The following GABBR2 variants were observed in gnomAD, a reference collection of about 807,000 sequenced individuals.
GABBR2 encodes the protein G-protein coupled receptor 51.
GABBR2 carries 23 observed loss-of-function variants against 105.6 expected under a neutral mutation model. The observed-to-expected ratio is 0.22, with a 90% confidence interval of 0.16 to 0.31. The LOEUF is 0.31. GABBR2 is among the 10% of genes least tolerant of loss of function. GABBR2 has a pLI of 1.00. For missense variants in GABBR2, 734 were observed against 1,245.5 expected (o/e 0.59, Z 6.18); for synonymous variants, 478 against 499.7 (o/e 0.96, Z 0.58).
At chr9:98,519,967 G>A (rs1333505799) in intron 3 of GABBR2, among the ~76,000 whole-genome samples, 1 of 152,150 alleles carries the variant, frequency 6.6e-6, no homozygotes, top group East Asian at 1.9e-4. Flanking sequence ...GAAGGCTGTG[G>A]GAGAGAGGCA....
intron 3 of GABBR2, among the ~76,000 whole-genome samples, chr9:98,534,517 A>AC (rs1828131343): frequency 2.0e-5 from 3 of 152,232 alleles, no homozygotes; most frequent in Admixed American, 6.5e-5. Context: ...TTTTCTTAGT[A>AC]GTTTAAGTAT....
intron 1 of GABBR2, among the ~76,000 whole-genome samples, chr9:98,666,837 C>G (rs1830341479): frequency 6.6e-6 from 1 of 152,278 alleles, no homozygotes; most frequent in African/African-American, 2.4e-5. Context: ...ACTTCAGGCC[C>G]CTTGTGCCAA....
chr9:98,337,627 G>T (rs1436517953), intron 13 of GABBR2, among the ~76,000 whole-genome samples: 1 of 152,172 alleles, frequency 6.6e-6, no homozygotes, highest in Non-Finnish European at 1.5e-5. Context: ...TTGGCATAAG[G>T]ATAGACATAT....
At chr9:98,456,536 A>G (rs991358639) in intron 6 of GABBR2, among the ~76,000 whole-genome samples, 15 of 152,128 alleles carry the variant, frequency 9.9e-5, no homozygotes, top group Admixed American at 6.5e-5. Context: ...GAGGTCGGAG[A>G]TGTGATCTGT....
chr9:98,620,490 C>T (rs1829654153), intron 1 of GABBR2, among the ~76,000 whole-genome samples: 1 of 151,932 alleles, frequency 6.6e-6, no homozygotes, highest in Admixed American at 6.6e-5. Context: ...TGTTTTAAAT[C>T]CTAGATTTAA....
At chr9:98,399,047 C>T (rs1832342886) in intron 8 of GABBR2, among the ~76,000 whole-genome samples, 1 of 152,064 alleles carries the variant, frequency 6.6e-6, no homozygotes, top group Admixed American at 6.6e-5. Flanking sequence ...TGGCAACCTC[C>T]CTCAGGTCCT....
chr9:98,464,571 T>G, intron 6 of GABBR2, among the ~76,000 whole-genome samples: 1 of 143,680 alleles, frequency 7.0e-6, no homozygotes, highest in African/African-American at 2.6e-5. Context: ...AAGTGAGGAG[T>G]GCCTCTGCCA....
intron 1 of GABBR2, among the ~76,000 whole-genome samples, chr9:98,613,766 T>A (rs1829541911): frequency 6.6e-6 from 1 of 152,208 alleles, no homozygotes; most frequent in Non-Finnish European, 1.5e-5. Context: ...TTAAGAGCGT[T>A]GACCATCCTT....
chr9:98,291,004 G>T (rs1006445624), intron 18 of GABBR2, among the ~76,000 whole-genome samples: 1 of 152,112 alleles, frequency 6.6e-6, no homozygotes, highest in Non-Finnish European at 1.5e-5. Flanking sequence ...CTCGAGCTTT[G>T]GGCCAGGATT....
intron 3 of GABBR2, among the ~76,000 whole-genome samples, chr9:98,520,121 C>A (rs1017096565): frequency 1.3e-5 from 2 of 152,126 alleles, no homozygotes; most frequent in African/African-American, 4.8e-5. Flanking sequence ...TCTTTGAGTT[C>A]TTGAAAAGGT....
rs1830234174 is a variant in GABBR2, at chr9:98,288,466, A to C, written c.*2118T>G. On this transcript the variant is annotated 3_prime_UTR_variant, in exon 19 of 19. Transcript: ENST00000259455. Reference sequence around the variant, plus strand: ...AGGAGTCACAAAGGGTTACAGACGCACAGGCTCACCTCCGACAGTCCAATA... The same window carrying C: ...AGGAGTCACAAAGGGTTACAGACGCCCAGGCTCACCTCCGACAGTCCAATA... The C allele has an allele frequency of 6.5e-6, 1 of 152,678 alleles. No individual in the cohort carries two copies. The highest frequency in any genetic ancestry group is 6.5e-5 in the Admixed American group (1 of 15,280). The allele number at this position is 152,678 out of a possible 1,614,324, so 9.5% of individuals were successfully genotyped here. A position where few individuals can be genotyped will look rare whatever the true frequency, so the allele number is the denominator to read the frequency against.
At chr9:98,502,985 G>C (rs1463350215) in intron 3 of GABBR2, among the ~76,000 whole-genome samples, 2 of 152,188 alleles carry the variant, frequency 1.3e-5, no homozygotes, top group African/African-American at 2.4e-5. Flanking sequence ...TCTGAGGTAG[G>C]ACTGGGCCTC....
At chr9:98,529,876 G>A (rs1024588994) in intron 3 of GABBR2, among the ~76,000 whole-genome samples, 3 of 152,026 alleles carry the variant, frequency 2.0e-5, no homozygotes, top group South Asian at 2.1e-4. Context: ...AGGGATCTTC[G>A]CCATCCTTCT....
rs1415674631 is a variant in GABBR2, at chr9:98,473,133, C to A, written c.999+13G>T. On this transcript the variant is annotated intron_variant, in intron 6 of 18. Coordinates refer to ENST00000259455, the MANE Select transcript of GABBR2 (RefSeq NM_005458.8). Reference sequence around the variant, plus strand: ...GTGGGCCAGAAGGTTGAAATGGGGACCAAGGCACTGACCTTTCCTGAGATG... The same window carrying A: ...GTGGGCCAGAAGGTTGAAATGGGGAACAAGGCACTGACCTTTCCTGAGATG... 1.2e-6 allele frequency: 2 copies of A among 1,605,332 alleles called. No individual in the cohort carries two copies. The highest frequency in any genetic ancestry group is 4.5e-5 in the East Asian group (2 of 44,794).
chr9:98,478,934 G>A (rs1236388591), intron 5 of GABBR2, among the ~76,000 whole-genome samples: 3 of 152,130 alleles, frequency 2.0e-5, no homozygotes, highest in Non-Finnish European at 2.9e-5. Flanking sequence ...AGGCCCTGGG[G>A]ATACTGGAGA....
chr9:98,432,570 C>T (rs1250199631), intron 7 of GABBR2, among the ~76,000 whole-genome samples: 2 of 152,236 alleles, frequency 1.3e-5, no homozygotes, highest in Non-Finnish European at 2.9e-5. Context: ...ACAAGCTACA[C>T]AACCCATTGA....
chr9:98,489,777 A>G (rs2131661306), intron 4 of GABBR2, among the ~76,000 whole-genome samples: 1 of 152,124 alleles, frequency 6.6e-6, no homozygotes, highest in Non-Finnish European at 1.5e-5. Flanking sequence ...ACGGAGTCCA[A>G]CCCCGGGTCT....
chr9:98,363,044 C>T (rs555126793), intron 12 of GABBR2, among the ~76,000 whole-genome samples: 2 of 152,132 alleles, frequency 1.3e-5, no homozygotes, highest in African/African-American at 4.8e-5. Flanking sequence ...TTATCACTCC[C>T]CAAACACATA....
chr9:98,644,658 A>T (rs1830008160), intron 1 of GABBR2, among the ~76,000 whole-genome samples: 1 of 152,116 alleles, frequency 6.6e-6, no homozygotes, highest in Non-Finnish European at 1.5e-5. Flanking sequence ...CTTGGCCAAC[A>T]TAGCGAAACC....
Sources: gnomAD v4.1 joint callset for allele counts (sites outside exome capture counted in the v4.1 genomes callset) on GRCh38, gnomAD v4.1.1 for gene constraint, MANE v1.5 for transcripts, NCBI Gene and HGNC (gene_info 2026-07-23, HGNC 2026-07-21) for gene names.